Variants in KHDRBS2 observed in about 807,000 individuals in gnomAD.
KHDRBS2 encodes KH RNA binding domain containing, signal transduction associated 2.
A neutral mutation model predicts 44.3 loss-of-function variants in KHDRBS2; 26 were observed. That is an observed-to-expected ratio of 0.59 (90% CI 0.43 to 0.81). The LOEUF is 0.81. KHDRBS2 is among the 40% of genes least tolerant of loss of function. The pLI is 0.00. For missense variants in KHDRBS2, 476 were observed against 433.1 expected (o/e 1.10, Z -0.88); for synonymous variants, 194 against 151.1 (o/e 1.28, Z -2.08).
At chr6:61,554,036 T>C in the KHDRBS2 span, among the ~76,000 whole-genome samples, 1 of 152,140 alleles carries the variant, frequency 6.6e-6, no homozygotes, top group Non-Finnish European at 1.5e-5. Context: ...AAGCATTGAG[T>C]TCATGTCTTG....
intron 1 of KHDRBS2, among the ~76,000 whole-genome samples, chr6:62,260,873 T>C (rs1447520111): frequency 1.3e-5 from 2 of 151,940 alleles, no homozygotes; most frequent in Non-Finnish European, 2.9e-5. Context: ...AATTAAGACA[T>C]ACTTGTTAAT....
intron 4 of KHDRBS2, among the ~76,000 whole-genome samples, chr6:61,927,231 G>A (rs1287516473): frequency 4.0e-5 from 6 of 151,892 alleles, no homozygotes; most frequent in Non-Finnish European, 8.8e-5. Context: ...GATAATAAAT[G>A]GAAAGTACAA....
the KHDRBS2 span, among the ~76,000 whole-genome samples, chr6:61,573,802 A>AAAAAGT: frequency 7.6e-6 from 1 of 130,950 alleles, no homozygotes; most frequent in Non-Finnish European, 1.7e-5. Flanking sequence ...GAAAAAAAAA[A>AAAAAGT]AAAAGTAAAA....
intron 2 of KHDRBS2, among the ~76,000 whole-genome samples, chr6:62,050,194 C>A (rs1208039626): frequency 2.0e-5 from 3 of 151,942 alleles, no homozygotes; most frequent in African/African-American, 7.2e-5. Context: ...GACATAGGAA[C>A]AGAAAACCAA....
chr6:62,268,937 A>G (rs563056526), intron 1 of KHDRBS2, among the ~76,000 whole-genome samples: 3 of 152,110 alleles, frequency 2.0e-5, no homozygotes, highest in Non-Finnish European at 4.4e-5. Flanking sequence ...GGCAGATTTC[A>G]TATATTTAAA....
At chr6:61,730,449 G>A (rs1420500365) in intron 7 of KHDRBS2, among the ~76,000 whole-genome samples, 1 of 152,026 alleles carries the variant, frequency 6.6e-6, no homozygotes, top group Non-Finnish European at 1.5e-5. Context: ...TTTGTACCTA[G>A]TATTGTGAGA....
chr6:61,943,375 C>A (rs1482674839), intron 4 of KHDRBS2, among the ~76,000 whole-genome samples: 5 of 151,668 alleles, frequency 3.3e-5, no homozygotes, highest in Admixed American at 6.6e-5. Flanking sequence ...ATTAAAAAAA[C>A]CACCAAACCA....
At chr6:62,237,194 A>G (rs1459951238) in intron 1 of KHDRBS2, among the ~76,000 whole-genome samples, 1 of 152,206 alleles carries the variant, frequency 6.6e-6, no homozygotes, top group Non-Finnish European at 1.5e-5. Context: ...TTAAGAAGAT[A>G]GAGGCTCTAA....
At chr6:61,618,389 T>A in the KHDRBS2 span, among the ~76,000 whole-genome samples, 1 of 152,366 alleles carries the variant, frequency 6.6e-6, no homozygotes, top group South Asian at 2.1e-4. Flanking sequence ...AAGACATTTT[T>A]AACATATTTT....
At chr6:61,829,798 A>G (rs1791508161) in intron 6 of KHDRBS2, among the ~76,000 whole-genome samples, 1 of 152,302 alleles carries the variant, frequency 6.6e-6, no homozygotes, top group South Asian at 2.1e-4. Flanking sequence ...AACAGTAGTC[A>G]GGACAAAGAC....
intron 6 of KHDRBS2, among the ~76,000 whole-genome samples, chr6:61,877,238 G>C (rs1342340100): frequency 1.3e-5 from 2 of 151,846 alleles, no homozygotes; most frequent in East Asian, 3.9e-4. Flanking sequence ...GTTCGGATCT[G>C]GCTAAAAGAC....
chr6:62,034,450 C>A (rs1269275435), intron 3 of KHDRBS2, among the ~76,000 whole-genome samples: 2 of 151,778 alleles, frequency 1.3e-5, no homozygotes, highest in African/African-American at 4.8e-5. Flanking sequence ...AATTCAACAA[C>A]ACATTAAAAA....
chr6:62,280,967 G>A (rs1262642157), intron 1 of KHDRBS2, among the ~76,000 whole-genome samples: 1 of 152,138 alleles, frequency 6.6e-6, no homozygotes, highest in Non-Finnish European at 1.5e-5. Context: ...AATAGCAGAA[G>A]AGAGATATCC....
intron 2 of KHDRBS2, among the ~76,000 whole-genome samples, chr6:62,175,077 CAT>C: frequency 6.6e-6 from 1 of 151,568 alleles, no homozygotes. Flanking sequence ...TATAATAAGA[CAT>C]AGTTTGTTTT....
At chr6:61,711,071 A>T (rs1326247189) in intron 7 of KHDRBS2, among the ~76,000 whole-genome samples, 2 of 151,262 alleles carry the variant, frequency 1.3e-5, no homozygotes, top group African/African-American at 4.9e-5. Flanking sequence ...TTCTGCATAC[A>T]TAAGTCAAGA....
At chr6:61,713,602 G>A (rs1770889744) in intron 7 of KHDRBS2, among the ~76,000 whole-genome samples, 2 of 148,780 alleles carry the variant, frequency 1.3e-5, no homozygotes, top group South Asian at 4.2e-4. Context: ...TTTTCCCTTA[G>A]GATTGCTTTG....
intron 3 of KHDRBS2, among the ~76,000 whole-genome samples, chr6:62,027,316 A>C (rs1004122305): frequency 6.6e-6 from 1 of 152,146 alleles, no homozygotes; most frequent in African/African-American, 2.4e-5. Context: ...AGTAATCAGG[A>C]AAATATAAAG....
intron 6 of KHDRBS2, among the ~76,000 whole-genome samples, chr6:61,839,249 T>A (rs544548): frequency 0.16 from 23,737 of 152,062 alleles, 2,460 homozygotes; most frequent in South Asian, 0.27. Flanking sequence ...TTGATTATAA[T>A]TTGTAATTAT....
At chr6:62,230,863 G>A (rs1832786351) in intron 1 of KHDRBS2, among the ~76,000 whole-genome samples, 2 of 152,046 alleles carry the variant, frequency 1.3e-5, no homozygotes, top group Admixed American at 1.3e-4. Context: ...AACCTATGAT[G>A]ACCCCATGAT....
Sources: allele counts gnomAD v4.1 joint callset (sites outside exome capture counted in the v4.1 genomes callset), GRCh38; gene constraint gnomAD v4.1.1; transcripts MANE v1.5; gene names NCBI Gene and HGNC (gene_info 2026-07-23, HGNC 2026-07-21).